SNAPC1: variants seen among roughly 807,000 people sequenced by gnomAD.
SNAPC1 encodes snRNA-activating protein complex subunit 1.
SNAPC1 carries 42 observed loss-of-function variants against 50.1 expected under a neutral mutation model. The observed-to-expected ratio is 0.84, with a 90% confidence interval of 0.65 to 1.08. The LOEUF (loss-of-function observed/expected upper bound fraction) is 1.08, where lower values mean the gene tolerates loss of function less well. Ranked by LOEUF, SNAPC1 falls within the 50% of genes least tolerant of loss-of-function variation. SNAPC1 has a pLI of 0.00. For synonymous variants in SNAPC1, 164 were observed against 144.2 expected (o/e 1.14, Z -0.98); for missense variants, 477 against 427.3 (o/e 1.12, Z -1.02).
chr14:61,795,316 CTATTT>C lies in SNAPC1; in HGVS notation c.*339_*343del, dbSNP rs1374416516. On this transcript the variant is annotated 3_prime_UTR_variant, in exon 10 of 10. Transcript: ENST00000216294. Reference sequence around the variant, plus strand: ...CCTAATACAGTCTGGTAATACTATTCTATTTTATTTAAAATATTTTTTATTGAAAT... The same window carrying C: ...CCTAATACAGTCTGGTAATACTATTCTATTTAAAATATTTTTTATTGAAAT... 1 of 171,470 alleles carries C rather than the reference CTATTT, an allele frequency of 5.8e-6. No homozygotes were observed. The highest frequency in any genetic ancestry group is 1.2e-5 in the Non-Finnish European group (1 of 81,328). 10.6% of individuals were successfully genotyped at this position (171,470 alleles called of 1,614,324 possible).
Position 61,767,549 on chromosome 14 carries a change from C to T in SNAPC1, c.429+197C>T, listed in dbSNP as rs188780658. Among the ~76,000 whole-genome samples, 209 of 151,948 alleles carry T rather than the reference C, an allele frequency of 1.4e-3. 1 individual carries two copies. The highest frequency in any genetic ancestry group is 2.1e-3 in the Non-Finnish European group (143 of 67,964). On this transcript the variant is annotated intron_variant, in intron 3 of 9. Transcript: ENST00000216294. Reference sequence around the variant, plus strand: ...CACCATCTCGGCTGACTGCAACCTCCGCCTCCCGGGTTCGAGGGATTTTCC... The same window carrying T: ...CACCATCTCGGCTGACTGCAACCTCTGCCTCCCGGGTTCGAGGGATTTTCC...
At chr14:61,792,763 A>C (rs768130636) in intron 8 of SNAPC1, 44 bp from the exon 9 acceptor site, 1 of 1,101,864 alleles carries the variant, frequency 9.1e-7, no homozygotes, top group South Asian at 1.5e-5. Flanking sequence ...AAAGATTATA[A>C]TATTCTTTGC....
chr14:61,781,887 G>A (rs532328070), intron 7 of SNAPC1, among the ~76,000 whole-genome samples: 117 of 152,356 alleles, frequency 7.7e-4, no homozygotes, highest in African/African-American at 2.8e-3. Flanking sequence ...CAAACCTGGA[G>A]CCAAGCGTGA....
At chr14:61,782,110 GGTAATA>G (rs1328987553) in intron 7 of SNAPC1, 131 bp from the exon 8 acceptor site, 1 of 617,250 alleles carries the variant, frequency 1.6e-6, no homozygotes, top group Admixed American at 3.6e-5. Context: ...GCCAGCCAGG[GGTAATA>G]GTAAAGTACT....
chr14:61,769,741 A>G (rs2044974483), intron 4 of SNAPC1, among the ~76,000 whole-genome samples: 1 of 152,252 alleles, frequency 6.6e-6, no homozygotes, highest in South Asian at 2.1e-4. Context: ...ACCATTGAAA[A>G]CAGTGAGTCT....
At chr14:61,764,678 G>A (rs2044933931) in intron 1 of SNAPC1, among the ~76,000 whole-genome samples, 1 of 152,046 alleles carries the variant, frequency 6.6e-6, no homozygotes, top group East Asian at 1.9e-4. Context: ...ACTTCTTGGG[G>A]GGAAAAATGC....
At chr14:61,764,387 G>A (rs2044931648) in intron 1 of SNAPC1, among the ~76,000 whole-genome samples, 1 of 152,114 alleles carries the variant, frequency 6.6e-6, no homozygotes, top group Non-Finnish European at 1.5e-5. Context: ...TTTTTAAATT[G>A]CAAGGAATGG....
intron 8 of SNAPC1, among the ~76,000 whole-genome samples, chr14:61,784,670 A>G (rs538581438): frequency 6.6e-6 from 1 of 152,348 alleles, no homozygotes; most frequent in African/African-American, 2.4e-5. Flanking sequence ...GGTTGGTCAC[A>G]TTTGGTCCAG....
intron 7 of SNAPC1, 82 bp downstream of exon 7, chr14:61,778,992 A>G: frequency 2.6e-6 from 2 of 776,658 alleles, no homozygotes; most frequent in Non-Finnish European, 4.3e-6. Flanking sequence ...GTAGTAATAC[A>G]TGTACTTAGT....
chr14:61,781,163 T>A lies in SNAPC1; in HGVS notation c.826-1084T>A, dbSNP rs2045068732. ...GCTATACGTGGTTGCTTTTTAAGAATTGTTGGCCGGGTGCGGTGGCTCATG... is the reference window on the plus strand; with the variant it reads ...GCTATACGTGGTTGCTTTTTAAGAAATGTTGGCCGGGTGCGGTGGCTCATG... On this transcript the variant is annotated intron_variant, in intron 7 of 9. Coordinates refer to ENST00000216294, the MANE Select transcript of SNAPC1 (RefSeq NM_003082.4). 2.0e-5 allele frequency among the ~76,000 whole-genome samples: 3 copies of A among 152,010 alleles called. No individual in the cohort carries two copies. In the South Asian group the frequency reaches 6.2e-4, roughly 32 times the overall value.
chr14:61,788,035 T>C (rs1273611134), intron 8 of SNAPC1, among the ~76,000 whole-genome samples: 1 of 150,196 alleles, frequency 6.7e-6, no homozygotes, highest in Non-Finnish European at 1.5e-5. Flanking sequence ...TCATCTTGAA[T>C]GTGTGACAGT....
At chr14:61,780,823 G>C (rs2045066147) in intron 7 of SNAPC1, among the ~76,000 whole-genome samples, 1 of 151,586 alleles carries the variant, frequency 6.6e-6, no homozygotes, top group African/African-American at 2.4e-5. Flanking sequence ...TTCTGTTTTG[G>C]TTACTGTAGT....
intron 7 of SNAPC1, among the ~76,000 whole-genome samples, chr14:61,781,183 C>G (rs1341597489): frequency 6.6e-6 from 1 of 152,056 alleles, no homozygotes; most frequent in African/African-American, 2.4e-5. Flanking sequence ...GGTGCGGTGG[C>G]TCATGCCTGT....
At chr14:61,763,719 T>C (rs2044926666) in intron 1 of SNAPC1, among the ~76,000 whole-genome samples, 1 of 152,098 alleles carries the variant, frequency 6.6e-6, no homozygotes, top group South Asian at 2.1e-4. Context: ...TTTGTTGTAA[T>C]GGTATAGTTG....
intron 8 of SNAPC1, among the ~76,000 whole-genome samples, chr14:61,786,828 T>C (rs2045118309): frequency 1.3e-5 from 2 of 152,234 alleles, no homozygotes; most frequent in Non-Finnish European, 2.9e-5. Context: ...CACTTAATGT[T>C]CACACAGAAA....
Position 61,795,178 on chromosome 14 carries a change from C to T in SNAPC1, c.*195C>T. ...TAGAATAAGAATTCTTTAACATTTTCTTTAATGATTTGCATAAATGGAGAT... is the reference window on the plus strand; with the variant it reads ...TAGAATAAGAATTCTTTAACATTTTTTTTAATGATTTGCATAAATGGAGAT... On this transcript the variant is annotated 3_prime_UTR_variant, in exon 10 of 10. Transcript: ENST00000216294. 1 of 516,776 alleles carries T rather than the reference C, an allele frequency of 1.9e-6. No homozygotes were observed. Among genetic ancestry groups the T allele is most frequent in the South Asian group, 2.7e-5 (1 of 36,486 alleles). The allele number at this position is 516,776 out of a possible 1,614,324, so 32.0% of individuals were successfully genotyped here. A position where few individuals can be genotyped will look rare whatever the true frequency, so the allele number is the denominator to read the frequency against.
At chr14:61,781,879 A>G (rs938403996) in intron 7 of SNAPC1, among the ~76,000 whole-genome samples, 9 of 152,226 alleles carry the variant, frequency 5.9e-5, no homozygotes, top group Admixed American at 5.9e-4. Flanking sequence ...CACATGGCCA[A>G]ACCTGGAGCC....
intron 5 of SNAPC1, 29 bp from the exon 6 acceptor site, chr14:61,778,043 G>A (rs2045047275): frequency 8.6e-7 from 1 of 1,167,654 alleles, no homozygotes; most frequent in African/African-American, 1.5e-5. Flanking sequence ...ATGTGTGTAT[G>A]TGTGTATGTA....
rs746058398 is a variant in SNAPC1, at chr14:61,762,539, G to A, written c.79G>A (p.Glu27Lys). The A allele has an allele frequency of 1.3e-6, 2 of 1,514,442 alleles. No individual in the cohort carries two copies. Among genetic ancestry groups the A allele is most frequent in the South Asian group, 2.5e-5 (2 of 79,900 alleles). The allele number at this position is 1,514,442 out of a possible 1,614,324, so 93.8% of individuals were successfully genotyped here. ...CCAGGAGACGGACAGTGTACGCTTC[G>A]AGGACTTCACGGAGCTCTGGAGAAA... ...RFQETDSVRF[E>K]DFTELWRNMK... The change falls in exon 1 of 10, where the codon GAG (glutamate) becomes AAG (lysine). Residue 27 changes from glutamate to lysine, a missense_variant. By Grantham distance (56) the Glu-to-Lys change is moderately conservative. Transcript: ENST00000216294.
Sources: allele counts gnomAD v4.1 joint callset (sites outside exome capture counted in the v4.1 genomes callset), GRCh38; gene constraint gnomAD v4.1.1; transcripts MANE v1.5; gene names NCBI Gene and HGNC (gene_info 2026-07-23, HGNC 2026-07-21).